The following PIK3CB variants were observed in gnomAD, a reference collection of about 807,000 sequenced individuals.
PIK3CB encodes phosphatidylinositol 4,5-bisphosphate 3-kinase catalytic subunit beta isoform.
In PIK3CB, 39 loss-of-function variants were observed where a neutral mutation model predicts 136.8. The ratio of observed to expected loss-of-function variants is 0.29; its 90% CI spans 0.22 to 0.37. The LOEUF (loss-of-function observed/expected upper bound fraction) is 0.37, where lower values mean the gene tolerates loss of function less well. PIK3CB is among the 10% of genes least tolerant of loss of function. The pLI, the probability that PIK3CB is intolerant of heterozygous loss-of-function variation, is 1.00. For missense variants in PIK3CB, 868 were observed against 1,275.4 expected, an observed-to-expected ratio of 0.68 and a Z score of 4.87; for synonymous variants, 428 against 436.6, an observed-to-expected ratio of 0.98 and a Z score of 0.25.
chr3:138,662,420 G>T (rs1449707251), intron 21 of PIK3CB, among the ~76,000 whole-genome samples: 1 of 150,762 alleles, frequency 6.6e-6, no homozygotes, highest in African/African-American at 2.5e-5. Context: ...TTTCATCCAT[G>T]TCCCTACAAA....
chr3:138,825,320 TG>T, intron 1 of PIK3CB: 1 of 502,308 alleles, frequency 2.0e-6, no homozygotes, highest in South Asian at 3.1e-5. Flanking sequence ...AATTTAAAGC[TG>T]GTATCTCCAA....
chr3:138,801,861 C>CAAAAAAAAA (rs35232938), intron 1 of PIK3CB, among the ~76,000 whole-genome samples: 1 of 57,386 alleles, frequency 1.7e-5, no homozygotes, highest in Non-Finnish European at 3.0e-5. Flanking sequence ...GACTCCATCT[C>CAAAAAAAAA]AAAAAAAAAA....
At chr3:138,832,845 A>C (rs1484414287) in intron 1 of PIK3CB, among the ~76,000 whole-genome samples, 35 of 148,236 alleles carry the variant, frequency 2.4e-4, no homozygotes, top group Admixed American at 4.7e-4. Flanking sequence ...AAAAAAAAAA[A>C]AAAACAAAAT....
At chr3:138,696,614 G>A (rs963931687) in intron 13 of PIK3CB, among the ~76,000 whole-genome samples, 16 of 151,996 alleles carry the variant, frequency 1.1e-4, no homozygotes, top group East Asian at 5.8e-4. Context: ...ATGTATCTAC[G>A]GAATCAAAAT....
intron 16 of PIK3CB, 48 bp from the exon 17 acceptor site, chr3:138,684,851 TATA>T (rs774889602): frequency 5.9e-6 from 8 of 1,356,560 alleles, no homozygotes; most frequent in South Asian, 2.5e-5. Context: ...CTAAAAGTAA[TATA>T]ATATCATGTG....
chr3:138,827,942 C>G (rs553824489), intron 1 of PIK3CB, among the ~76,000 whole-genome samples: 1 of 150,744 alleles, frequency 6.6e-6, no homozygotes, highest in Admixed American at 6.6e-5. Context: ...AAACTGAGAT[C>G]GCGCCACTGC....
intron 14 of PIK3CB, among the ~76,000 whole-genome samples, chr3:138,694,578 T>G (rs1273875592): frequency 6.6e-6 from 1 of 152,162 alleles, no homozygotes. Context: ...AGGGTGATCT[T>G]GAGGACCTTC....
intron 14 of PIK3CB, 36 bp downstream of exon 14, chr3:138,694,750 T>C (rs1309234985): frequency 1.2e-6 from 2 of 1,605,366 alleles, no homozygotes; most frequent in Admixed American, 3.4e-5. Context: ...ACCCAAGTTA[T>C]TCCTTGCCCC....
At chr3:138,772,680 C>A (rs1394799558) in intron 2 of PIK3CB, among the ~76,000 whole-genome samples, 1 of 151,324 alleles carries the variant, frequency 6.6e-6, no homozygotes, top group East Asian at 1.9e-4. Flanking sequence ...CTACATATTC[C>A]CCAGGCTGAG....
chr3:138,661,838 T>C (rs2043301065), intron 21 of PIK3CB, among the ~76,000 whole-genome samples: 1 of 152,018 alleles, frequency 6.6e-6, no homozygotes, highest in Non-Finnish European at 1.5e-5. Flanking sequence ...TGGGAATTCC[T>C]AGGGGGGCTA....
intron 21 of PIK3CB, among the ~76,000 whole-genome samples, chr3:138,662,328 T>C (rs1047398652): frequency 1.4e-5 from 2 of 142,674 alleles, no homozygotes; most frequent in African/African-American, 5.3e-5. Flanking sequence ...GTTCTCATTG[T>C]TCAATTCCCA....
intron 1 of PIK3CB, among the ~76,000 whole-genome samples, chr3:138,804,445 G>A (rs750526007): frequency 6.6e-6 from 1 of 152,060 alleles, no homozygotes; most frequent in Non-Finnish European, 1.5e-5. Flanking sequence ...GCCCAAGAAG[G>A]TTGAGGCTGC....
chr3:138,757,478 AACACACACACACACACACACACAC>A (rs146470519), intron 3 of PIK3CB, among the ~76,000 whole-genome samples: 2 of 136,434 alleles, frequency 1.5e-5, no homozygotes, highest in East Asian at 4.3e-4. Context: ...GATACTATTA[AACACACACACACACACACACACAC>A]ACACACACAC....
At chr3:138,779,512 C>T (rs996858994) in intron 2 of PIK3CB, among the ~76,000 whole-genome samples, 3 of 150,492 alleles carry the variant, frequency 2.0e-5, no homozygotes, top group Non-Finnish European at 4.4e-5. Flanking sequence ...CACATCAAGC[C>T]TCCCGAGTAG....
intron 8 of PIK3CB, among the ~76,000 whole-genome samples, chr3:138,717,714 A>G (rs1227429017): frequency 6.6e-6 from 1 of 152,130 alleles, no homozygotes; most frequent in Non-Finnish European, 1.5e-5. Flanking sequence ...AGTAGGCTCC[A>G]GTGTCTGTTG....
intron 2 of PIK3CB, among the ~76,000 whole-genome samples, chr3:138,765,364 A>T (rs2045720148): frequency 6.6e-6 from 1 of 152,176 alleles, no homozygotes; most frequent in Non-Finnish European, 1.5e-5. Flanking sequence ...GATATTAAAA[A>T]TTTGATTTAA....
chr3:138,708,960 G>GTA (rs951788112), intron 10 of PIK3CB, among the ~76,000 whole-genome samples: 2 of 151,670 alleles, frequency 1.3e-5, no homozygotes, highest in African/African-American at 4.8e-5. Context: ...TTTTCTGTGT[G>GTA]TATAGGGAGA....
chr3:138,717,632 C>T (rs2044640693), intron 8 of PIK3CB, among the ~76,000 whole-genome samples: 1 of 152,080 alleles, frequency 6.6e-6, no homozygotes, highest in Non-Finnish European at 1.5e-5. Flanking sequence ...ATTATTTCAT[C>T]ATCTAGGCAT....
At chr3:138,788,650 T>C (rs1469628776) in intron 2 of PIK3CB, among the ~76,000 whole-genome samples, 2 of 107,290 alleles carry the variant, frequency 1.9e-5, no homozygotes, top group African/African-American at 3.7e-5. Flanking sequence ...GAGCAAGACT[T>C]TGTCTCAAAA....
Sources: gnomAD v4.1 joint callset for allele counts (sites outside exome capture counted in the v4.1 genomes callset) on GRCh38, gnomAD v4.1.1 for gene constraint, MANE v1.5 for transcripts, NCBI Gene and HGNC (gene_info 2026-07-23, HGNC 2026-07-21) for gene names.